Variants in LRMDA observed in about 807,000 individuals in gnomAD.
The protein encoded by LRMDA is leucine-rich melanocyte differentiation-associated protein.
A neutral mutation model predicts 29.8 loss-of-function variants in LRMDA; 18 were observed. The observed-to-expected ratio is 0.60, with a 90% CI of 0.42 to 0.90. LRMDA has a LOEUF of 0.90. Ranked by LOEUF, LRMDA falls within the 40% of genes least tolerant of loss-of-function variation. LRMDA has a pLI of 0.00. For missense variants in LRMDA, 273 were observed against 273.9 expected (o/e 1.00, Z 0.02); for synonymous variants, 125 against 109.4 (o/e 1.14, Z -0.89).
intron 2 of LRMDA, among the ~76,000 whole-genome samples, chr10:75,452,942 A>G (rs940700630): frequency 6.6e-6 from 1 of 152,226 alleles, no homozygotes; most frequent in Admixed American, 6.5e-5. Context: ...AATTATTTAA[A>G]GTTTACAAGC....
chr10:75,750,217 C>T (rs1173940597), intron 2 of LRMDA, among the ~76,000 whole-genome samples: 2 of 149,088 alleles, frequency 1.3e-5, no homozygotes, highest in Non-Finnish European at 3.0e-5. Context: ...GGCAGAGGCG[C>T]CCCCCACCTC....
chr10:76,303,543 C>T (rs548407389), intron 5 of LRMDA, among the ~76,000 whole-genome samples: 2 of 152,124 alleles, frequency 1.3e-5, no homozygotes, highest in South Asian at 2.1e-4. Flanking sequence ...TGCACACAGG[C>T]GCGCACATGA....
intron 2 of LRMDA, among the ~76,000 whole-genome samples, chr10:75,900,365 C>T (rs371551424): frequency 6.6e-6 from 1 of 152,172 alleles, no homozygotes; most frequent in East Asian, 1.9e-4. Context: ...TTGAATGGTG[C>T]CAGTCAGAGT....
At chr10:76,290,656 A>G (rs1044311369) in intron 5 of LRMDA, among the ~76,000 whole-genome samples, 2 of 152,036 alleles carry the variant, frequency 1.3e-5, no homozygotes, top group Non-Finnish European at 2.9e-5. Flanking sequence ...TCTTAACCTT[A>G]GGTGATCCAC....
chr10:76,410,933 G>A (rs1452848811), intron 6 of LRMDA, among the ~76,000 whole-genome samples: 2 of 152,062 alleles, frequency 1.3e-5, no homozygotes, highest in Admixed American at 6.6e-5. Context: ...GCAACAGAGC[G>A]AGACTCCATC....
At chr10:75,700,994 C>A (rs1308280069) in intron 2 of LRMDA, among the ~76,000 whole-genome samples, 4 of 152,176 alleles carry the variant, frequency 2.6e-5, no homozygotes, top group African/African-American at 9.7e-5. Flanking sequence ...GACTTAATGG[C>A]AAACTTGTTG....
chr10:75,687,439 A>C (rs1842096900), intron 2 of LRMDA, among the ~76,000 whole-genome samples: 1 of 152,254 alleles, frequency 6.6e-6, no homozygotes, highest in African/African-American at 2.4e-5. Context: ...GCTAGAGCCT[A>C]ATCCAGAGCA....
chr10:76,221,776 C>T lies in LRMDA; in HGVS notation c.517-102625C>T, dbSNP rs368282318. Among the ~76,000 whole-genome samples, 1,337 of 151,712 alleles carry T rather than the reference C, an allele frequency of 8.8e-3. 17 individuals carry two copies. Among genetic ancestry groups the T allele is most frequent in the African/African-American group, 0.027 (1,123 of 41,156 alleles). The stretch of plus-strand genomic sequence containing the variant: ...AGAATTGGAAAAAACTACTTTAAAG[C>T]TCATATGGAACCAAAAAAGAGCCCA... On this transcript the variant is annotated intron_variant, in intron 5 of 6. Transcript: ENST00000611255.
At chr10:75,564,076 A>C (rs1163915066) in intron 2 of LRMDA, among the ~76,000 whole-genome samples, 1 of 152,172 alleles carries the variant, frequency 6.6e-6, no homozygotes, top group Non-Finnish European at 1.5e-5. Flanking sequence ...TCAGACAGGG[A>C]CATTTAAGTC....
chr10:76,171,101 GC>G (rs967688317), intron 5 of LRMDA, among the ~76,000 whole-genome samples: 3 of 152,164 alleles, frequency 2.0e-5, no homozygotes, highest in Admixed American at 2.0e-4. Context: ...CTATATCTGT[GC>G]CTAGAGAAAG....
At chr10:76,487,479 G>A (rs973572364) in intron 6 of LRMDA, among the ~76,000 whole-genome samples, 1 of 151,804 alleles carries the variant, frequency 6.6e-6, no homozygotes, top group Non-Finnish European at 1.5e-5. Flanking sequence ...GAAGTATTTT[G>A]GATGCATGTG....
At chr10:76,203,068 C>A (rs971729022) in intron 5 of LRMDA, among the ~76,000 whole-genome samples, 1 of 152,168 alleles carries the variant, frequency 6.6e-6, no homozygotes, top group South Asian at 2.1e-4. Context: ...CTGTGCTGAG[C>A]TTTTGGTCAG....
chr10:75,676,863 C>G (rs1286115952), intron 2 of LRMDA, among the ~76,000 whole-genome samples: 6 of 152,128 alleles, frequency 3.9e-5, no homozygotes, highest in Non-Finnish European at 8.8e-5. Context: ...TCATTTGCCA[C>G]CTTTGGCCCC....
intron 5 of LRMDA, among the ~76,000 whole-genome samples, chr10:76,306,894 C>T (rs1840563314): frequency 6.6e-6 from 1 of 152,156 alleles, no homozygotes; most frequent in Non-Finnish European, 1.5e-5. Flanking sequence ...TTGCTTGACA[C>T]ATGCTAATTA....
intron 5 of LRMDA, among the ~76,000 whole-genome samples, chr10:76,219,584 C>T (rs1347033159): frequency 2.0e-5 from 3 of 152,182 alleles, no homozygotes; most frequent in Non-Finnish European, 4.4e-5. Context: ...AATATATATG[C>T]ACCTAATACA....
intron 6 of LRMDA, among the ~76,000 whole-genome samples, chr10:76,419,660 A>C (rs1041109266): frequency 6.6e-6 from 1 of 152,080 alleles, no homozygotes; most frequent in Non-Finnish European, 1.5e-5. Flanking sequence ...TAATGGCTGT[A>C]CCATTTTGCA....
intron 6 of LRMDA, among the ~76,000 whole-genome samples, chr10:76,378,520 T>C (rs1367118442): frequency 1.3e-5 from 2 of 152,156 alleles, no homozygotes; most frequent in African/African-American, 4.8e-5. Context: ...GTAAGTTTGT[T>C]GTATATGTCT....
chr10:75,975,302 C>T (rs1372288588), intron 2 of LRMDA, among the ~76,000 whole-genome samples: 1 of 152,200 alleles, frequency 6.6e-6, no homozygotes, highest in Non-Finnish European at 1.5e-5. Context: ...TTTCCCAGGA[C>T]TTCCTGATTT....
intron 2 of LRMDA, among the ~76,000 whole-genome samples, chr10:75,500,684 A>C (rs558128117): frequency 1.9e-3 from 284 of 152,306 alleles, no homozygotes; most frequent in Non-Finnish European, 3.7e-3. Context: ...CAATCATGGC[A>C]GAAGGGGAAG....
Sources: allele counts gnomAD v4.1 joint callset (sites outside exome capture counted in the v4.1 genomes callset), GRCh38; gene constraint gnomAD v4.1.1; transcripts MANE v1.5; gene names NCBI Gene and HGNC (gene_info 2026-07-23, HGNC 2026-07-21).